MYO9A: variants seen among roughly 807,000 people sequenced by gnomAD.
MYO9A encodes myosin IXA.
In MYO9A, 103 loss-of-function variants were observed where a neutral mutation model predicts 293.3. The observed-to-expected ratio is 0.35, with a 90% CI of 0.30 to 0.41. MYO9A has a LOEUF of 0.41. Ranked by LOEUF, MYO9A falls within the 10% of genes least tolerant of loss-of-function variation. The pLI is 1.00. For synonymous variants in MYO9A, 1,001 were observed against 1,035.7 expected (o/e 0.97, Z 0.64); for missense variants, 2,685 against 3,033.0 (o/e 0.89, Z 2.69).
At chr15:72,118,234 G>C (rs2081080374), upstream of MYO9A, 1 of 334,272 alleles carries the variant, frequency 3.0e-6, no homozygotes, top group Non-Finnish European at 5.4e-6. Context: ...GGAGAGTACA[G>C]CGTGCGCTTG....
At chr15:71,839,668 C>T (rs1203125047) in intron 39 of MYO9A, among the ~76,000 whole-genome samples, 1 of 152,126 alleles carries the variant, frequency 6.6e-6, no homozygotes, top group East Asian at 1.9e-4. Flanking sequence ...CCTTGGCCTT[C>T]CAAAGTGCTG....
At chr15:71,969,768 C>T (rs1417484331) in intron 12 of MYO9A, among the ~76,000 whole-genome samples, 1 of 152,038 alleles carries the variant, frequency 6.6e-6, no homozygotes, top group African/African-American at 2.4e-5. Flanking sequence ...TGGAAAGTTC[C>T]TGCATTCAAC....
intron 15 of MYO9A, among the ~76,000 whole-genome samples, chr15:71,946,913 A>G (rs1283153780): frequency 6.6e-6 from 1 of 152,228 alleles, no homozygotes; most frequent in Non-Finnish European, 1.5e-5. Context: ...CAGGAGTTTG[A>G]GACCAGCCTG....
At chr15:71,882,678 G>A (rs1338899470) in intron 28 of MYO9A, among the ~76,000 whole-genome samples, 2 of 152,142 alleles carry the variant, frequency 1.3e-5, no homozygotes, top group African/African-American at 4.8e-5. Context: ...CATCTGCTAG[G>A]TACTGAAATA....
chr15:71,834,441 G>T (rs375682426), intron 39 of MYO9A, among the ~76,000 whole-genome samples: 1 of 152,080 alleles, frequency 6.6e-6, no homozygotes, highest in Non-Finnish European at 1.5e-5. Flanking sequence ...AGAGGCAGGC[G>T]TTAAGTTTGA....
chr15:72,099,481 A>C (rs2080191037), intron 1 of MYO9A, among the ~76,000 whole-genome samples: 1 of 150,722 alleles, frequency 6.6e-6, no homozygotes, highest in Non-Finnish European at 1.5e-5. Context: ...ACACACCTGT[A>C]GTCCCAGCTA....
intron 1 of MYO9A, among the ~76,000 whole-genome samples, chr15:72,117,474 T>G (rs1198227263): frequency 6.6e-6 from 1 of 150,580 alleles, no homozygotes; most frequent in African/African-American, 2.5e-5. Context: ...AGGGCCGGAA[T>G]GGTGCCCGGC....
intron 1 of MYO9A, among the ~76,000 whole-genome samples, chr15:72,100,854 C>G (rs1367003826): frequency 4.6e-5 from 7 of 150,600 alleles, no homozygotes; most frequent in East Asian, 2.0e-4. Flanking sequence ...CCAGCCGCCC[C>G]GTCCGGGAGG....
intron 12 of MYO9A, among the ~76,000 whole-genome samples, chr15:71,968,844 G>A (rs1363878274): frequency 2.6e-5 from 4 of 152,086 alleles, no homozygotes; most frequent in Non-Finnish European, 5.9e-5. Context: ...AGAAAAAGGA[G>A]AAAGAAAGTT....
intron 1 of MYO9A, among the ~76,000 whole-genome samples, chr15:72,085,378 TGA>T (rs1190182103): frequency 1.4e-5 from 2 of 147,554 alleles, no homozygotes; most frequent in Non-Finnish European, 3.0e-5. Context: ...GGCGACAGAG[TGA>T]GAGAGTCTGT....
At chr15:71,891,511 T>C (rs1036796487) in intron 26 of MYO9A, 2 of 152,202 alleles carry the variant, frequency 1.3e-5, no homozygotes, top group Non-Finnish European at 2.9e-5. Flanking sequence ...GTTTGTTCCA[T>C]TACATAATTT....
intron 15 of MYO9A, among the ~76,000 whole-genome samples, chr15:71,940,825 CA>C (rs1316224119): frequency 2.6e-5 from 4 of 151,986 alleles, no homozygotes; most frequent in African/African-American, 9.7e-5. Context: ...AAACAATCTT[CA>C]AGGAGGATGG....
chr15:72,021,784 G>C (rs890422404), intron 4 of MYO9A, among the ~76,000 whole-genome samples: 3 of 152,158 alleles, frequency 2.0e-5, no homozygotes, highest in Non-Finnish European at 4.4e-5. Flanking sequence ...TGGGAATCTA[G>C]AAGGTCATAT....
chr15:72,009,825 A>T (rs914240261), intron 7 of MYO9A, among the ~76,000 whole-genome samples: 5 of 152,206 alleles, frequency 3.3e-5, no homozygotes. Flanking sequence ...TGAGTCTTTA[A>T]TTTTAAATAA....
At chr15:72,019,017 A>C in intron 6 of MYO9A, 22 bp downstream of exon 6, 1 of 1,605,028 alleles carries the variant, frequency 6.2e-7, no homozygotes, top group East Asian at 2.2e-5. Context: ...GAAACACAGA[A>C]TATTTAGGTA....
chr15:71,911,370 A>G (rs1308130697), intron 19 of MYO9A, among the ~76,000 whole-genome samples: 1 of 152,214 alleles, frequency 6.6e-6, no homozygotes, highest in Non-Finnish European at 1.5e-5. Context: ...ATTCAATTCA[A>G]ATATGAAAAC....
At chr15:72,116,222 T>G (rs2080971135) in intron 1 of MYO9A, among the ~76,000 whole-genome samples, 1 of 152,224 alleles carries the variant, frequency 6.6e-6, no homozygotes, top group South Asian at 2.1e-4. Flanking sequence ...TCCGAAACTT[T>G]TGGCTTTTAC....
At chr15:71,955,892 T>A (rs1325373333) in intron 14 of MYO9A, among the ~76,000 whole-genome samples, 1 of 152,184 alleles carries the variant, frequency 6.6e-6, no homozygotes, top group African/African-American at 2.4e-5. Context: ...CTAAGTTCTG[T>A]CTCTACAGAT....
At chr15:71,983,787 T>C (rs571252614) in intron 11 of MYO9A, among the ~76,000 whole-genome samples, 1 of 152,278 alleles carries the variant, frequency 6.6e-6, no homozygotes, top group East Asian at 1.9e-4. Flanking sequence ...CCAGCCTAAA[T>C]AGTTCTATTT....
Sources: allele counts gnomAD v4.1 joint callset (sites outside exome capture counted in the v4.1 genomes callset), GRCh38; gene constraint gnomAD v4.1.1; transcripts MANE v1.5; gene names NCBI Gene and HGNC (gene_info 2026-07-23, HGNC 2026-07-21).